The following ANK2 variants were observed in gnomAD, a reference collection of about 807,000 sequenced individuals.
ANK2 encodes ankyrin 2, also known as ankyrin-2.
In ANK2, 83 loss-of-function variants were observed where a neutral mutation model predicts 360.5. The ratio of observed to expected loss-of-function variants is 0.23; its 90% CI spans 0.19 to 0.28. ANK2 has a LOEUF of 0.28. Among genes scored for constraint, ANK2 ranks in the 10% least tolerant of loss-of-function variants. ANK2 has a pLI of 1.00. For missense variants in ANK2, 4,201 were observed against 4,795.7 expected (o/e 0.88, Z 3.66); for synonymous variants, 1,740 against 1,759.5 (o/e 0.99, Z 0.28).
intron 43 of ANK2, among the ~76,000 whole-genome samples, chr4:113,372,113 C>T (rs563682843): frequency 6.1e-4 from 93 of 152,248 alleles, no homozygotes; most frequent in Non-Finnish European, 1.1e-3. Flanking sequence ...AGGGGATATT[C>T]CTATACCTTT....
At chr4:113,027,745 TATATAAATAA>T (rs1189119039) in intron 2 of ANK2, among the ~76,000 whole-genome samples, 3 of 152,122 alleles carry the variant, frequency 2.0e-5, no homozygotes, top group East Asian at 1.9e-4. Context: ...GATTGGGAAG[TATATAAATAA>T]ATATAAATAA....
At chr4:112,724,007 A>G in the ANK2 span, among the ~76,000 whole-genome samples, 15 of 152,072 alleles carry the variant, frequency 9.9e-5, no homozygotes, top group African/African-American at 3.4e-4. Flanking sequence ...CATAATTCCT[A>G]CGATAACTGT....
chr4:113,139,075 G>T (rs2096546614), intron 1 of ANK2, among the ~76,000 whole-genome samples: 1 of 152,172 alleles, frequency 6.6e-6, no homozygotes, highest in Admixed American at 6.5e-5. Flanking sequence ...TTGTCTAGAT[G>T]CTCAAGCAGT....
chr4:113,225,161 T>C (rs1483594279), intron 4 of ANK2, among the ~76,000 whole-genome samples: 1 of 152,200 alleles, frequency 6.6e-6, no homozygotes, highest in Admixed American at 6.5e-5. Context: ...TGATTTCATT[T>C]AGACCTCCTA....
chr4:113,040,919 G>A (rs2062789329), intron 2 of ANK2, among the ~76,000 whole-genome samples: 1 of 152,060 alleles, frequency 6.6e-6, no homozygotes, highest in Non-Finnish European at 1.5e-5. Flanking sequence ...CCCCATGTGA[G>A]ACTTTTGTGA....
intron 29 of ANK2, among the ~76,000 whole-genome samples, chr4:113,334,716 GATTA>G (rs1164916993): frequency 9.6e-5 from 6 of 62,334 alleles, no homozygotes; most frequent in Admixed American, 9.2e-4. Flanking sequence ...AAAGTTAATA[GATTA>G]ATTAATCTAT....
the ANK2 span, among the ~76,000 whole-genome samples, chr4:112,765,911 A>T: frequency 6.6e-6 from 1 of 152,190 alleles, no homozygotes; most frequent in Non-Finnish European, 1.5e-5. Flanking sequence ...CATCCTCAAC[A>T]ACTAAGAATT....
chr4:113,333,909 G>A (rs1257772825), intron 29 of ANK2, among the ~76,000 whole-genome samples: 1 of 152,138 alleles, frequency 6.6e-6, no homozygotes, highest in Admixed American at 6.5e-5. Context: ...TATGAAAAGA[G>A]GAAAGCGGCT....
chr4:113,030,709 T>G (rs911746878), intron 2 of ANK2, among the ~76,000 whole-genome samples: 3 of 151,988 alleles, frequency 2.0e-5, no homozygotes, highest in African/African-American at 7.2e-5. Context: ...TTTCTATGTT[T>G]GTGAATGGCC....
intron 5 of ANK2, among the ~76,000 whole-genome samples, chr4:113,232,799 G>A (rs1278167507): frequency 6.6e-6 from 1 of 152,202 alleles, no homozygotes; most frequent in Non-Finnish European, 1.5e-5. Flanking sequence ...TAGTTTTAAA[G>A]AGTTCCAGGA....
intron 26 of ANK2, among the ~76,000 whole-genome samples, chr4:113,324,752 T>C (rs1159563161): frequency 1.3e-5 from 2 of 152,216 alleles, no homozygotes; most frequent in Admixed American, 1.3e-4. Context: ...GGATTTAATC[T>C]GAGGCCCTCT....
intron 4 of ANK2, among the ~76,000 whole-genome samples, chr4:113,225,122 A>G (rs561837680): frequency 2.0e-5 from 3 of 152,310 alleles, no homozygotes; most frequent in Non-Finnish European, 4.4e-5. Flanking sequence ...ACAATAAAGA[A>G]CATTCCACTT....
At chr4:112,875,314 C>T (rs369457126) in intron 1 of ANK2, among the ~76,000 whole-genome samples, 23 of 152,060 alleles carry the variant, frequency 1.5e-4, no homozygotes, top group East Asian at 9.7e-4. Flanking sequence ...CACTGCGCTC[C>T]GCCTAATTAT....
chr4:113,247,583 T>G (rs189707420), intron 9 of ANK2, among the ~76,000 whole-genome samples: 76 of 152,356 alleles, frequency 5.0e-4, no homozygotes, highest in African/African-American at 1.8e-3. Context: ...AAAGCAATAC[T>G]CTGCCTTTTC....
In ANK2 at chr4:113,383,371, G is replaced by C. The variant is rs2097200435; in HGVS notation, c.*1900G>C. On this transcript the variant is annotated 3_prime_UTR_variant, in exon 46 of 46. Transcript: ENST00000357077. ...ACATTCTTTGGCAGCCAAAATAAGA[G>C]AGGCCGATGGTGAAACTTTTTGAGA... 6.6e-6 allele frequency: 1 copy of C among 152,606 alleles called. No individual in the cohort carries two copies. The highest frequency in any genetic ancestry group is 2.4e-5 in the African/African-American group (1 of 41,444). The allele number at this position is 152,606 out of a possible 1,614,324, so 9.5% of individuals were successfully genotyped here. A position where few individuals can be genotyped will look rare whatever the true frequency, so the allele number is the denominator to read the frequency against.
At chr4:113,347,001 G>A (rs1195124557) in intron 35 of ANK2, among the ~76,000 whole-genome samples, 1 of 152,150 alleles carries the variant, frequency 6.6e-6, no homozygotes, top group African/African-American at 2.4e-5. Context: ...AGTTGTCAGT[G>A]TCTATATAAC....
intron 2 of ANK2, among the ~76,000 whole-genome samples, chr4:112,983,914 C>T (rs2154274609): frequency 6.6e-6 from 1 of 152,208 alleles, no homozygotes; most frequent in South Asian, 2.1e-4. Flanking sequence ...TTCAGCAACT[C>T]AATATTTTAC....
intron 4 of ANK2, among the ~76,000 whole-genome samples, chr4:113,218,449 A>T (rs2099111706): frequency 8.6e-6 from 1 of 115,682 alleles, no homozygotes; most frequent in South Asian, 2.7e-4. Context: ...TCATTAAATG[A>T]CCAAAAAAAA....
At chr4:113,373,577 T>C (rs754060352) in intron 45 of ANK2, 128 bp downstream of exon 45, 27 of 1,003,428 alleles carry the variant, frequency 2.7e-5, no homozygotes, top group Admixed American at 1.2e-4. Flanking sequence ...TTGCTCTTAG[T>C]TGCACATTCA....
Sources: gnomAD v4.1 joint callset for allele counts (sites outside exome capture counted in the v4.1 genomes callset) on GRCh38, gnomAD v4.1.1 for gene constraint, MANE v1.5 for transcripts, NCBI Gene and HGNC (gene_info 2026-07-23, HGNC 2026-07-21) for gene names.